CCDC180: variants seen among roughly 807,000 people sequenced by gnomAD.
The protein encoded by CCDC180 is coiled-coil domain containing 180.
In CCDC180, 154 loss-of-function variants were observed where a neutral mutation model predicts 209.2. That is an observed-to-expected ratio of 0.74 (90% CI 0.65 to 0.84). The LOEUF is 0.84. Among genes scored for constraint, CCDC180 ranks in the 40% least tolerant of loss-of-function variants. CCDC180 has a pLI of 0.00. For synonymous variants in CCDC180, 778 were observed against 749.1 expected (o/e 1.04, Z -0.63); for missense variants, 1,874 against 1,997.3 (o/e 0.94, Z 1.18).
At position 97,359,967 on chromosome 9, in the gene CCDC180, C is replaced by G; in HGVS notation, c.3364-15C>G. The G allele has an allele frequency of 6.2e-7, 1 of 1,613,388 alleles. No homozygotes were observed. Among genetic ancestry groups the G allele is most frequent in the South Asian group, 1.1e-5 (1 of 90,950 alleles). On this transcript the variant is annotated splice_polypyrimidine_tract_variant and intron_variant, in intron 25 of 36. Transcript: ENST00000529487. ...TCTGCTTCCTTGGGGCTTTCTTCCT[C>G]CCTTTTCTCACCAGACAGTGACCAC... is the stretch of plus-strand genomic sequence containing the variant.
intron 34 of CCDC180, chr9:97,373,593 A>G (rs1055238086): frequency 6.6e-6 from 1 of 152,204 alleles, no homozygotes; most frequent in Non-Finnish European, 1.5e-5. Context: ...CCTCTTCAGC[A>G]TTTTCAGTTG....
rs1375546110 is a variant in CCDC180 at position 97,349,217 on chromosome 9, C to T, written c.2781C>T (p.Asn927=). ...TCTGCCAGTTCCAAGAAGAGCAAAA[C>T]GTGAGGAGCAAAAACTTCCGCCTTA... is the stretch of plus-strand genomic sequence containing the variant. ...LMFCQFQEEQ[N]VRSKNFRLKI... Residue 927 remains asparagine, a synonymous_variant, in exon 21 of 37, where the codon AAC becomes AAT. Transcript: ENST00000529487. 16 of 1,536,436 alleles carry T rather than the reference C, an allele frequency of 1.0e-5. No homozygotes were observed. Among genetic ancestry groups the T allele is most frequent in the East Asian group, 4.9e-5 (2 of 40,918 alleles).
chr9:97,374,500 C>T (rs1406866280), intron 34 of CCDC180, 43 bp from the exon 35 acceptor site: 3 of 1,463,654 alleles, frequency 2.0e-6, no homozygotes, highest in African/African-American at 2.8e-5. Context: ...CGATCTCAGG[C>T]TGTCGGTGAG....
In CCDC180 at chr9:97,325,171, G is replaced by C. The variant is rs1833490959; in HGVS notation, c.1524G>C (p.Gln508His). 1 of 1,602,868 alleles carries C rather than the reference G, an allele frequency of 6.2e-7. No individual in the cohort carries two copies. The highest frequency in any genetic ancestry group is 8.5e-7 in the Non-Finnish European group (1 of 1,174,640). The stretch of plus-strand genomic sequence containing the variant: ...AGAAGAGGATGGAGCAGCACCGGCA[G>C]AAGCACAGCCTGGAGAGCCAGGTGA... ...ELEKRMEQHR[Q>H]KHSLESQVQE... The change falls in exon 14 of 37, where the codon CAG becomes CAC. Residue 508 changes from glutamine to histidine, a missense_variant. Transcript: ENST00000529487.
rs1826918905 is a variant in CCDC180 at position 97,366,350 on chromosome 9, G to C, written c.4048-209G>C. On this transcript the variant is annotated intron_variant, in intron 30 of 36. Transcript: ENST00000529487. The surrounding 1 kb of genome is among the most constrained non-coding windows in gnomAD (Gnocchi z 4.3). ...GTCACTCATTCAGGAAATAACGAGG[G>C]CTGGCCATGGCTCCACTCACTCCAG... Among the ~76,000 whole-genome samples the C allele has an allele frequency of 1.3e-5, 2 of 152,178 alleles. No homozygotes were observed. The highest frequency in any genetic ancestry group is 6.5e-5 in the Admixed American group (1 of 15,278).
chr9:97,330,662 A>C lies in CCDC180; in HGVS notation c.2169A>C (p.Ser723=). ...VKGQGEKKEE[S]EEEDEKEEEE... is the part of the protein sequence containing the mutation. Reference sequence around the variant, plus strand: ...GTCAAGGAGAAAAGAAGGAGGAGTCAGAGGAGGAAGATGAGAAGGAGGAAG... The same window carrying C: ...GTCAAGGAGAAAAGAAGGAGGAGTCCGAGGAGGAAGATGAGAAGGAGGAAG... Residue 723 remains serine, a synonymous_variant, in exon 18 of 37, where the codon TCA becomes TCC. Transcript: ENST00000529487. 1 of 1,602,166 alleles carries C rather than the reference A, an allele frequency of 6.2e-7. No individual in the cohort carries two copies. Among genetic ancestry groups the C allele is most frequent in the Non-Finnish European group, 8.5e-7 (1 of 1,177,432 alleles).
upstream of CCDC180, chr9:97,307,622 T>C: frequency 1.0e-6 from 1 of 977,822 alleles, no homozygotes; most frequent in Non-Finnish European, 1.6e-6. Context: ...ATGCGAATTC[T>C]GCGCCGCATT....
chr9:97,352,455 C>A (rs1826447064), intron 22 of CCDC180, among the ~76,000 whole-genome samples: 1 of 152,126 alleles, frequency 6.6e-6, no homozygotes, highest in South Asian at 2.1e-4. Flanking sequence ...GATGAGATAT[C>A]TGGGGAAGGG....
At chr9:97,344,011 T>C (rs1048667888) in intron 19 of CCDC180, among the ~76,000 whole-genome samples, 9 of 152,224 alleles carry the variant, frequency 5.9e-5, no homozygotes, top group Non-Finnish European at 8.8e-5. Context: ...ATAGAGTATA[T>C]CCATGTCCAT....
At chr9:97,370,950 C>CTTTTTTTTTTT (rs67153822) in intron 33 of CCDC180, 172 bp downstream of exon 33, 3 of 112,918 alleles carry the variant, frequency 2.7e-5, no homozygotes, top group African/African-American at 4.9e-5. Flanking sequence ...AACTTGTATA[C>CTTTTTTTTTTT]TTTTTTTTTT....
Position 97,325,235 on chromosome 9 carries a change from G to A in CCDC180, c.1545+43G>A, listed in dbSNP as rs986268790. 2.6e-6 allele frequency: 4 copies of A among 1,544,538 alleles called. No individual in the cohort carries two copies. In the South Asian group the frequency reaches 3.6e-5, roughly 14 times the overall value. ...GGCTCCATGTTTCACACCACAAACA[G>A]CAATGAACTCAAACAGATCCTTGAC... On this transcript the variant is annotated intron_variant, in intron 14 of 36. Transcript: ENST00000529487.
chr9:97,308,032 T>C lies in CCDC180; in HGVS notation c.-32T>C, dbSNP rs751438896. 6.2e-7 allele frequency: 1 copy of C among 1,612,352 alleles called. No individual in the cohort carries two copies. The highest frequency in any genetic ancestry group is 8.5e-7 in the Non-Finnish European group (1 of 1,179,290). On this transcript the variant is annotated 5_prime_UTR_variant, in exon 2 of 37. Transcript: ENST00000529487. ...CTAGACGCGTTTCCTGGACGACGGC[T>C]TCCCGGCAGGGGCATCCAGCCAGCG...
At chr9:97,312,474 G>T (rs1416533059) in intron 4 of CCDC180, among the ~76,000 whole-genome samples, 1 of 152,170 alleles carries the variant, frequency 6.6e-6, no homozygotes, top group Non-Finnish European at 1.5e-5. Flanking sequence ...TTTCTTGCAG[G>T]TTCCCAACAG....
intron 10 of CCDC180, 52 bp from the exon 11 acceptor site, chr9:97,320,074 T>G: frequency 3.6e-6 from 5 of 1,394,638 alleles, no homozygotes; most frequent in Non-Finnish European, 5.1e-6. Flanking sequence ...CCCATTTTGG[T>G]GAGTAAACGG....
At chr9:97,314,259 C>T (rs1833082899) in intron 5 of CCDC180, 134 bp from the exon 6 acceptor site, 2 of 1,039,846 alleles carry the variant, frequency 1.9e-6, no homozygotes, top group Non-Finnish European at 2.8e-6. Flanking sequence ...TAGTGAGCCT[C>T]AACTCGTTAG....
In CCDC180 at chr9:97,312,323, G is replaced by A. The variant is rs901428579; in HGVS notation, c.349+122G>A. On this transcript the variant is annotated intron_variant, in intron 4 of 36. Coordinates refer to ENST00000529487, the MANE Select transcript of CCDC180 (RefSeq NM_020893.6). Reference sequence around the variant, plus strand: ...GCCCTGAGCTCCCACTGTGTTCCTCGGCTCAGCCACCCGGAGGGCATTCTC... The same window carrying A: ...GCCCTGAGCTCCCACTGTGTTCCTCAGCTCAGCCACCCGGAGGGCATTCTC... 12 of 754,924 alleles carry A rather than the reference G, an allele frequency of 1.6e-5. No individual in the cohort carries two copies. In the Middle Eastern group the frequency reaches 1.5e-3, roughly 94 times the overall value. The allele number at this position is 754,924 out of a possible 1,614,324, so 46.8% of individuals were successfully genotyped here.
Position 97,313,811 on chromosome 9 carries a change from T to C in CCDC180, c.459+466T>C, listed in dbSNP as rs183445929. Reference sequence around the variant, plus strand: ...GAGACCTCATCTCCACACACACTGGTGTCTGGAATGTTCCCTAAACGAGAC... The same window carrying C: ...GAGACCTCATCTCCACACACACTGGCGTCTGGAATGTTCCCTAAACGAGAC... On this transcript the variant is annotated intron_variant, in intron 5 of 36. Transcript: ENST00000529487. Among the ~76,000 whole-genome samples the C allele has an allele frequency of 1.2e-3, 178 of 152,292 alleles. 1 individual carries two copies. Among genetic ancestry groups the C allele is most frequent in the South Asian group, 0.011 (54 of 4,828 alleles).
chr9:97,362,237 A>G lies in CCDC180; in HGVS notation c.3698A>G (p.Asp1233Gly), dbSNP rs1219786743. The change falls in exon 28 of 37, where the codon GAT (aspartate) becomes GGT (glycine). Residue 1233 changes from aspartate (D) to glycine (G), a missense_variant. Transcript: ENST00000529487. ...TKWPTHHCDKDPSQTGRGAWA... is the reference protein window; with the variant it reads ...TKWPTHHCDKGPSQTGRGAWA... ...TGGCCAACCCACCATTGTGACAAAG[A>G]TCCGTCCCAGACAGGTAGAGGCGCA... is the stretch of plus-strand genomic sequence containing the variant. The G allele has an allele frequency of 6.2e-7, 1 of 1,613,792 alleles. No homozygotes were observed.
intron 35 of CCDC180, 77 bp from the exon 36 acceptor site, chr9:97,375,377 T>C: frequency 2.5e-6 from 4 of 1,574,180 alleles, no homozygotes; most frequent in Non-Finnish European, 3.5e-6. Flanking sequence ...AATGCTAAGC[T>C]TTTCCAACAG....
Sources: allele counts gnomAD v4.1 joint callset (sites outside exome capture counted in the v4.1 genomes callset), GRCh38; gene constraint gnomAD v4.1.1; non-coding constraint Gnocchi (gnomAD v3.1); transcripts MANE v1.5; gene names NCBI Gene and HGNC (gene_info 2026-07-23, HGNC 2026-07-21).